The following DLG5 variants were observed in gnomAD, a reference collection of about 807,000 sequenced individuals.
DLG5 encodes disks large homolog 5.
DLG5 carries 48 observed loss-of-function variants against 189.8 expected under a neutral mutation model. The ratio of observed to expected loss-of-function variants is 0.25; its 90% CI spans 0.20 to 0.32. The LOEUF (loss-of-function observed/expected upper bound fraction) is 0.32, where lower values mean the gene tolerates loss of function less well. Among genes scored for constraint, DLG5 ranks in the 10% least tolerant of loss-of-function variants. The pLI is 1.00. For synonymous variants in DLG5, 1,016 were observed against 1,054.1 expected (o/e 0.96, Z 0.70); for missense variants, 2,160 against 2,544.7 (o/e 0.85, Z 3.25).
At chr10:77,929,757 A>G (rs536491617), upstream of DLG5, 3 of 152,160 alleles carry the variant, frequency 2.0e-5, no homozygotes, top group African/African-American at 4.8e-5. Context: ...GAAGAAACCA[A>G]CCCTCCAACA....
At chr10:77,920,910 G>T (rs1846516605) in intron 1 of DLG5, among the ~76,000 whole-genome samples, 1 of 152,170 alleles carries the variant, frequency 6.6e-6, no homozygotes, top group Non-Finnish European at 1.5e-5. Flanking sequence ...TACCTAAGAT[G>T]ATCTGAGCTA....
At chr10:77,823,458 CT>C (rs1842464423) in intron 14 of DLG5, among the ~76,000 whole-genome samples, 1 of 151,380 alleles carries the variant, frequency 6.6e-6, no homozygotes, top group Non-Finnish European at 1.5e-5. Flanking sequence ...ACTAAATTGT[CT>C]TTTTGTCTAT....
chr10:77,830,861 T>A lies in DLG5; in HGVS notation c.1761A>T (p.Glu587Asp). Reference protein sequence around the residue: ...RELKELKEQMESQLEKEARFR... With the variant: ...RELKELKEQMDSQLEKEARFR... Reference sequence around the variant, plus strand: ...ACCGGGCCTCCTTTTCCAACTGGGATTCCATCTGTTCCCTGTGAACAGAGA... The same window carrying A: ...ACCGGGCCTCCTTTTCCAACTGGGAATCCATCTGTTCCCTGTGAACAGAGA... The change falls in exon 10 of 32, where the codon GAA becomes GAT. Residue 587 changes from glutamate to aspartate, a missense_variant. This residue lies in a region of DLG5 where 664 missense variants were observed against 838.5 expected (regional missense o/e 0.79). Coordinates refer to ENST00000372391, the MANE Select transcript of DLG5 (RefSeq NM_004747.4). The A allele has an allele frequency of 5.0e-6, 8 of 1,614,034 alleles. No individual in the cohort carries two copies. The highest frequency in any genetic ancestry group is 6.8e-6 in the Non-Finnish European group (8 of 1,179,986).
chr10:77,793,960 C>G (rs772631420), intron 31 of DLG5, 48 bp downstream of exon 31: 9 of 1,556,342 alleles, frequency 5.8e-6, no homozygotes, highest in Middle Eastern at 3.4e-4. Flanking sequence ...GAAGCCTCTG[C>G]TTCCTTCCCT....
intron 1 of DLG5, among the ~76,000 whole-genome samples, chr10:77,882,935 A>G (rs1258072576): frequency 1.3e-5 from 2 of 150,680 alleles, no homozygotes; most frequent in East Asian, 2.0e-4. Context: ...AAAAAAAAAC[A>G]CCCAAGAGCT....
intron 2 of DLG5, among the ~76,000 whole-genome samples, chr10:77,862,767 C>T (rs1359390142): frequency 6.6e-6 from 1 of 152,168 alleles, no homozygotes; most frequent in African/African-American, 2.4e-5. Flanking sequence ...CGGACACACA[C>T]AGGGTGTGGG....
At chr10:77,831,686 G>C (rs1408025846) in intron 9 of DLG5, among the ~76,000 whole-genome samples, 2 of 152,204 alleles carry the variant, frequency 1.3e-5, no homozygotes, top group East Asian at 3.9e-4. Context: ...GTTAACAGAG[G>C]AAGGACAGCC....
chr10:77,815,252 G>C (rs113645633), intron 20 of DLG5, among the ~76,000 whole-genome samples: 1 of 152,350 alleles, frequency 6.6e-6, no homozygotes, highest in East Asian at 1.9e-4. Flanking sequence ...CATTTCTTCC[G>C]AGTTACACCC....
chr10:77,884,547 C>T (rs1367091598), intron 1 of DLG5, among the ~76,000 whole-genome samples: 2 of 152,090 alleles, frequency 1.3e-5, no homozygotes, highest in East Asian at 1.9e-4. Context: ...TCATGGTGGT[C>T]GGCACTTAGC....
At chr10:77,872,960 C>A (rs908197655) in intron 1 of DLG5, among the ~76,000 whole-genome samples, 6 of 151,850 alleles carry the variant, frequency 4.0e-5, no homozygotes, top group African/African-American at 1.5e-4. Context: ...GAGGGACATT[C>A]TCTACCTCAC....
intron 1 of DLG5, among the ~76,000 whole-genome samples, chr10:77,920,765 G>A (rs1846510423): frequency 6.6e-6 from 1 of 152,208 alleles, no homozygotes; most frequent in South Asian, 2.1e-4. Context: ...CCTGAACAGA[G>A]GGGCCTGAGG....
chr10:77,861,543 T>C (rs932461894), intron 2 of DLG5, among the ~76,000 whole-genome samples: 4 of 152,180 alleles, frequency 2.6e-5, no homozygotes, highest in Non-Finnish European at 5.9e-5. Flanking sequence ...CGTCTCAGTC[T>C]ACAGCCATGA....
chr10:77,901,688 A>C (rs1845931773), intron 1 of DLG5, among the ~76,000 whole-genome samples: 1 of 152,214 alleles, frequency 6.6e-6, no homozygotes, highest in South Asian at 2.1e-4. Context: ...AGGATGCAGC[A>C]ACCCCTGGCA....
chr10:77,839,800 A>T (rs1190193266), intron 7 of DLG5, among the ~76,000 whole-genome samples: 1 of 152,134 alleles, frequency 6.6e-6, no homozygotes, highest in African/African-American at 2.4e-5. Flanking sequence ...CTTTTCAAAA[A>T]TTTCATTGCA....
rs749395596 is a variant in DLG5 at position 77,842,137 on chromosome 10, T to C, written c.1181A>G (p.Gln394Arg). ...NKATAQNKDL[Q>R]WEMELLQSEL... ...TGACTGCAGCAGCTCCATCTCCCAC[T>C]GCAGGTCCTTGTTCTGCGCCGTGGC... The change falls in exon 7 of 32, where the codon CAG (glutamine) becomes CGG (arginine). Residue 394 changes from glutamine (Q) to arginine (R), a missense_variant. Around this residue, in one of 5 missense-constraint regions of DLG5, gnomAD observed 664 missense variants for 838.5 expected, o/e 0.79. Coordinates refer to ENST00000372391, the MANE Select transcript of DLG5 (RefSeq NM_004747.4). The C allele has an allele frequency of 1.1e-4, 185 of 1,610,778 alleles. No individual in the cohort carries two copies. Among genetic ancestry groups the C allele is most frequent in the Non-Finnish European group, 1.5e-4 (179 of 1,180,032 alleles).
intron 13 of DLG5, chr10:77,824,739 G>C: frequency 2.4e-6 from 1 of 420,264 alleles, no homozygotes. Flanking sequence ...CGAGGACCCG[G>C]AGGGAACATC....
chr10:77,846,647 A>C, intron 5 of DLG5: 1 of 455,432 alleles, frequency 2.2e-6, no homozygotes, highest in Non-Finnish European at 4.4e-6. Flanking sequence ...CAGTGAGCCA[A>C]GACTGTGCCA....
At chr10:77,896,711 C>A (rs576688747) in intron 1 of DLG5, among the ~76,000 whole-genome samples, 1 of 151,666 alleles carries the variant, frequency 6.6e-6, no homozygotes, top group Admixed American at 6.6e-5. Context: ...GGCATGGTGA[C>A]GAGAGGCTGA....
chr10:77,865,601 A>G (rs554743772), intron 2 of DLG5, among the ~76,000 whole-genome samples: 2 of 152,336 alleles, frequency 1.3e-5, no homozygotes, highest in African/African-American at 4.8e-5. Flanking sequence ...ATGAGAAATA[A>G]AAGGCTACTG....
Sources: allele counts gnomAD v4.1 joint callset (sites outside exome capture counted in the v4.1 genomes callset), GRCh38; gene constraint gnomAD v4.1.1; regional missense constraint gnomAD v4.1.1; transcripts MANE v1.5; gene names NCBI Gene and HGNC (gene_info 2026-07-23, HGNC 2026-07-21).